Variants in ACSM3 observed in about 807,000 individuals in gnomAD.
The protein encoded by ACSM3 is acyl-coenzyme A synthetase ACSM3, mitochondrial.
A neutral mutation model predicts 74.1 loss-of-function variants in ACSM3; 61 were observed. The observed-to-expected ratio is 0.82, with a 90% CI of 0.67 to 1.02. ACSM3 has a LOEUF of 1.02. Ranked by LOEUF, ACSM3 falls within the 50% of genes least tolerant of loss-of-function variation. ACSM3 has a pLI of 0.00. For missense variants in ACSM3, 660 were observed against 697.0 expected, an observed-to-expected ratio of 0.95 and a Z score of 0.60; for synonymous variants, 213 against 241.5, an observed-to-expected ratio of 0.88 and a Z score of 1.09.
chr16:20,787,742 A>G (rs1283119462), intron 9 of ACSM3, among the ~76,000 whole-genome samples: 1 of 152,218 alleles, frequency 6.6e-6, no homozygotes, highest in East Asian at 1.9e-4. Context: ...TGGTTCAACT[A>G]TATCTCTGCT....
intron 3 of ACSM3, among the ~76,000 whole-genome samples, chr16:20,758,440 C>G (rs1000444033): frequency 1.3e-5 from 2 of 152,062 alleles, no homozygotes; most frequent in African/African-American, 4.8e-5. Flanking sequence ...TTGTAGTATT[C>G]TCTGATGGTA....
chr16:20,680,960 T>G (rs1198483194), intron 1 of ACSM3: 1 of 152,168 alleles, frequency 6.6e-6, no homozygotes, highest in Non-Finnish European at 1.5e-5. Flanking sequence ...ATCCAGTTGA[T>G]GATGAAAATA....
chr16:20,706,093 T>TGG (rs1339180670), intron 1 of ACSM3, among the ~76,000 whole-genome samples: 1 of 151,698 alleles, frequency 6.6e-6, no homozygotes, highest in Non-Finnish European at 1.5e-5. Context: ...AGTGTGTGTG[T>TGG]GTGTGTGTGT....
intron 2 of ACSM3, among the ~76,000 whole-genome samples, chr16:20,750,553 A>C (rs556748970): frequency 1.3e-5 from 2 of 152,296 alleles, no homozygotes; most frequent in South Asian, 4.1e-4. Context: ...GGGGCCTCTG[A>C]ATATAAGGAT....
chr16:20,773,708 T>C (rs2152458440), intron 2 of ACSM3, among the ~76,000 whole-genome samples: 1 of 152,362 alleles, frequency 6.6e-6, no homozygotes, highest in African/African-American at 2.4e-5. Context: ...TATTCCATTG[T>C]GGTCTAAGAA....
chr16:20,728,367 C>T (rs2079814098), intron 1 of ACSM3: 1 of 1,288,248 alleles, frequency 7.8e-7, no homozygotes, highest in Non-Finnish European at 1.1e-6. Context: ...TTAAGAAAAT[C>T]AATTGTTTCT....
chr16:20,740,264 C>T (rs544700578), intron 1 of ACSM3, among the ~76,000 whole-genome samples: 1 of 152,320 alleles, frequency 6.6e-6, no homozygotes, highest in African/African-American at 2.4e-5. Flanking sequence ...GGCATGGTGG[C>T]ACATGCCTGC....
At chr16:20,786,418 C>T (rs370491060) in intron 9 of ACSM3, 12 of 628,672 alleles carry the variant, frequency 1.9e-5, no homozygotes, top group African/African-American at 5.7e-5. Context: ...CAGTGGCTCA[C>T]GCCTGTAATC....
Position 20,777,517 on chromosome 16 carries a change from A to T in ACSM3, c.575A>T (p.His192Leu). 6.2e-7 allele frequency: 1 copy of T among 1,613,966 alleles called. No homozygotes were observed. The highest frequency in any genetic ancestry group is 1.7e-5 in the Admixed American group (1 of 60,002). ...DAVASKCENLHSKLIVSENSR... is the reference protein window; with the variant it reads ...DAVASKCENLLSKLIVSENSR... Reference sequence around the variant, plus strand: ...GTTGCATCCAAATGTGAAAATCTGCACTCCAAGCTGATTGTATCAGAGAAC... The same window carrying T: ...GTTGCATCCAAATGTGAAAATCTGCTCTCCAAGCTGATTGTATCAGAGAAC... Residue 192 changes from histidine to leucine, a missense_variant, in exon 4 of 14, where the codon CAC (histidine) becomes CTC (leucine). Physicochemically the swap from His to Leu is moderately conservative, Grantham distance 99. Coordinates refer to ENST00000289416, the MANE Select transcript of ACSM3 (RefSeq NM_005622.4).
At chr16:20,698,048 G>C (rs1245044101) in intron 1 of ACSM3, among the ~76,000 whole-genome samples, 1 of 151,872 alleles carries the variant, frequency 6.6e-6, no homozygotes, top group Non-Finnish European at 1.5e-5. Flanking sequence ...CAAAAAATTA[G>C]CCGGGTGTGG....
chr16:20,723,040 C>A (rs982871105), intron 1 of ACSM3, among the ~76,000 whole-genome samples: 1 of 152,092 alleles, frequency 6.6e-6, no homozygotes, highest in African/African-American at 2.4e-5. Flanking sequence ...ATCCCTCCCC[C>A]ACCCCACAAC....
intron 9 of ACSM3, among the ~76,000 whole-genome samples, chr16:20,787,683 T>C (rs1301821123): frequency 2.0e-5 from 3 of 152,230 alleles, no homozygotes. Context: ...GTCCTTTCTC[T>C]CACTTTAACC....
intron 1 of ACSM3, among the ~76,000 whole-genome samples, chr16:20,714,214 A>T (rs1426535294): frequency 1.3e-5 from 2 of 152,034 alleles, no homozygotes; most frequent in Admixed American, 6.5e-5. Context: ...GAGGCAAAAA[A>T]AAAAAACACC....
chr16:20,741,394 G>T (rs1260276434), intron 1 of ACSM3: 1 of 1,308,756 alleles, frequency 7.6e-7, no homozygotes, highest in African/African-American at 1.5e-5. Context: ...CGCCCCTACA[G>T]CCGTCACGCC....
intron 1 of ACSM3, among the ~76,000 whole-genome samples, chr16:20,726,255 A>T (rs2079805566): frequency 6.6e-6 from 1 of 152,268 alleles, no homozygotes; most frequent in Admixed American, 6.5e-5. Context: ...TATTCAGTTT[A>T]GCCAAACTAC....
chr16:20,702,950 T>G (rs2079717587), intron 1 of ACSM3: 1 of 152,258 alleles, frequency 6.6e-6, no homozygotes, highest in South Asian at 2.1e-4. Flanking sequence ...TTTTGGGTTT[T>G]ACATTTAGGT....
intron 12 of ACSM3, among the ~76,000 whole-genome samples, chr16:20,793,743 T>G (rs2080657242): frequency 6.6e-6 from 1 of 152,168 alleles, no homozygotes; most frequent in South Asian, 2.1e-4. Context: ...AGTCAGTGAT[T>G]ATTGGCTTGT....
At chr16:20,743,955 C>T (rs1268344918) in intron 1 of ACSM3, 1 of 152,152 alleles carries the variant, frequency 6.6e-6, no homozygotes, top group East Asian at 1.9e-4. Flanking sequence ...ACTTGAAAAA[C>T]AAAAACTCAG....
intron 1 of ACSM3, among the ~76,000 whole-genome samples, chr16:20,683,382 C>T (rs1165036834): frequency 6.6e-6 from 1 of 151,966 alleles, no homozygotes; most frequent in Non-Finnish European, 1.5e-5. Context: ...TCTGCCTTAG[C>T]CTCCCAAAGT....
Sources: gnomAD v4.1 joint callset for allele counts (sites outside exome capture counted in the v4.1 genomes callset) on GRCh38, gnomAD v4.1.1 for gene constraint, MANE v1.5 for transcripts, NCBI Gene and HGNC (gene_info 2026-07-23, HGNC 2026-07-21) for gene names.